MATR3: variants seen among roughly 807,000 people sequenced by gnomAD.
The protein encoded by MATR3 is matrin 3, also known as matrin-3.
A neutral mutation model predicts 85.5 loss-of-function variants in MATR3; 4 were observed. The observed-to-expected ratio is 0.05, with a 90% CI of 0.02 to 0.11. The LOEUF is 0.11. Ranked by LOEUF, MATR3 falls within the 10% of genes least tolerant of loss-of-function variation. MATR3 has a pLI of 1.00. For missense variants in MATR3, 685 were observed against 1,016.1 expected, an observed-to-expected ratio of 0.67 and a Z score of 4.43; for synonymous variants, 336 against 343.1, an observed-to-expected ratio of 0.98 and a Z score of 0.23.
intron 9 of MATR3, 61 bp downstream of exon 9, chr5:139,319,562 T>A: frequency 6.8e-7 from 1 of 1,471,550 alleles, no homozygotes; most frequent in Middle Eastern, 2.4e-4. Flanking sequence ...GATTTTTCAA[T>A]ATGGAGCTGG....
intron 1 of MATR3, among the ~76,000 whole-genome samples, chr5:139,303,010 C>A (rs963300725): frequency 6.9e-6 from 1 of 144,878 alleles, no homozygotes; most frequent in African/African-American, 2.5e-5. Context: ...CATAAATAAT[C>A]TTTCATAGTT....
chr5:139,315,791 T>A, intron 4 of MATR3, 53 bp downstream of exon 4: 1 of 1,388,474 alleles, frequency 7.2e-7, no homozygotes, highest in Non-Finnish European at 1.0e-6. Context: ...TGTAAGGAAT[T>A]CAGGTTTCAC....
intron 14 of MATR3, 137 bp downstream of exon 14, chr5:139,326,421 A>AC: frequency 1.4e-6 from 1 of 704,404 alleles, no homozygotes; most frequent in Non-Finnish European, 2.1e-6. Flanking sequence ...CTTTTTATTT[A>AC]CTTTTTTTTT....
At position 139,308,358 on chromosome 5, in the gene MATR3, C is replaced by A. The variant is rs777708926; in HGVS notation, c.912+31C>A. The A allele has an allele frequency of 9.3e-6, 15 of 1,612,980 alleles. 1 individual carries two copies. The highest frequency in any genetic ancestry group is 2.2e-5 in the East Asian group (1 of 44,882). On this transcript the variant is annotated intron_variant, in intron 2 of 14. Transcript: ENST00000394805. ...TTAACTCAACAGATGCTTCTAATTT[C>A]TTTTACATTGTAGTGCCTATTTACC...
intron 10 of MATR3, among the ~76,000 whole-genome samples, chr5:139,322,233 G>A (rs1427490855): frequency 6.6e-6 from 1 of 152,154 alleles, no homozygotes; most frequent in East Asian, 1.9e-4. Flanking sequence ...CACCTTCATT[G>A]CTCTTATCTG....
chr5:139,290,571 C>T (rs889163405), upstream of MATR3, among the ~76,000 whole-genome samples: 2 of 150,324 alleles, frequency 1.3e-5, no homozygotes, highest in African/African-American at 4.9e-5. Flanking sequence ...ACCCCTGCCC[C>T]GGAGTAGCTG....
intron 1 of MATR3, among the ~76,000 whole-genome samples, chr5:139,296,624 G>A (rs1170918576): frequency 5.3e-5 from 8 of 152,218 alleles, no homozygotes; most frequent in African/African-American, 1.9e-4. Context: ...GTACTGAGAA[G>A]TGACAGAAAG....
intron 2 of MATR3, among the ~76,000 whole-genome samples, chr5:139,277,808 G>A (rs1376405811): frequency 6.9e-6 from 1 of 145,188 alleles, no homozygotes; most frequent in African/African-American, 2.5e-5. Flanking sequence ...TATGTTATAT[G>A]GGGTACAACA....
intron 1 of MATR3, among the ~76,000 whole-genome samples, chr5:139,304,498 C>G (rs1466636774): frequency 1.4e-5 from 2 of 139,444 alleles, no homozygotes; most frequent in Non-Finnish European, 3.1e-5. Flanking sequence ...GAAACTCCAT[C>G]TGAAAAAAAA....
At chr5:139,320,439 CA>C (rs1223405569) in intron 9 of MATR3, among the ~76,000 whole-genome samples, 1 of 151,574 alleles carries the variant, frequency 6.6e-6, no homozygotes, top group Non-Finnish European at 1.5e-5. Flanking sequence ...CACATCTGTA[CA>C]AAAAAAAATT....
At chr5:139,310,768 G>T (rs1297199914) in intron 2 of MATR3, 1 of 151,616 alleles carries the variant, frequency 6.6e-6, no homozygotes, top group Admixed American at 6.6e-5. Flanking sequence ...GTCATTTTAG[G>T]TCATCAAATT....
At position 139,314,721 on chromosome 5, in the gene MATR3, A is replaced by G; in HGVS notation, c.959A>G (p.Gln320Arg). The change falls in exon 3 of 15, where the codon CAG (glutamine) becomes CGG (arginine). Residue 320 changes from glutamine (Q) to arginine (R), a missense_variant. By Grantham distance (43) the Gln-to-Arg change is conservative. Coordinates refer to ENST00000394805, the MANE Select transcript of MATR3 (RefSeq NM_018834.6). ...GGAGCAAGTCACAGTCGTCGATGCC[A>G]GCTTCTTCTTGAAATGTAGGAGTTT... ...INGASHSRRC[Q>R]LLLEIYPEWN... The G allele has an allele frequency of 6.2e-7, 1 of 1,613,846 alleles. No individual in the cohort carries two copies. The highest frequency in any genetic ancestry group is 8.5e-7 in the Non-Finnish European group (1 of 1,179,808).
intron 2 of MATR3, among the ~76,000 whole-genome samples, chr5:139,277,838 T>C (rs1247356292): frequency 2.6e-5 from 4 of 151,804 alleles, no homozygotes; most frequent in Non-Finnish European, 5.9e-5. Context: ...CATACATGTT[T>C]ACATTGTGGA....
At chr5:139,315,937 T>A (rs539408869) in intron 4 of MATR3, 139 bp from the exon 5 acceptor site, 87 of 787,484 alleles carry the variant, frequency 1.1e-4, no homozygotes, top group Non-Finnish European at 1.9e-4. Flanking sequence ...TAATGTAGAC[T>A]TTGACCTAGT....
intron 1 of MATR3, among the ~76,000 whole-genome samples, chr5:139,301,631 G>A (rs565330121): frequency 6.6e-6 from 1 of 152,098 alleles, no homozygotes; most frequent in East Asian, 1.9e-4. Flanking sequence ...CCAGAATGGA[G>A]CCTTGAAAGA....
At position 139,330,263 on chromosome 5, in the gene MATR3, C is replaced by T. The variant is rs1179585500; in HGVS notation, c.*868C>T. 1 of 453,744 alleles carries T rather than the reference C, an allele frequency of 2.2e-6. No homozygotes were observed. The highest frequency in any genetic ancestry group is 4.4e-6 in the Non-Finnish European group (1 of 226,310). 28.1% of individuals were successfully genotyped at this position (453,744 alleles called of 1,614,324 possible). A position where few individuals can be genotyped will look rare whatever the true frequency, so the allele number is the denominator to read the frequency against. ...TAATCCTAGATGCACGCTTCTAATT[C>T]ATGTACCTGCACATGTGACCTTTGT... On this transcript the variant is annotated 3_prime_UTR_variant, in exon 15 of 15. Transcript: ENST00000394805.
chr5:139,306,255 A>G (rs1352261941), intron 1 of MATR3, among the ~76,000 whole-genome samples: 1 of 152,206 alleles, frequency 6.6e-6, no homozygotes, highest in East Asian at 1.9e-4. Flanking sequence ...AAACAATTTC[A>G]TCTAGAAACA....
intron 1 of MATR3, among the ~76,000 whole-genome samples, chr5:139,306,044 G>C (rs1019876332): frequency 6.6e-6 from 1 of 152,110 alleles, no homozygotes; most frequent in African/African-American, 2.4e-5. Context: ...TCAAAAAATA[G>C]AAAATTTAAG....
At chr5:139,295,481 G>C (rs556430474) in intron 1 of MATR3, among the ~76,000 whole-genome samples, 1 of 152,334 alleles carries the variant, frequency 6.6e-6, no homozygotes, top group South Asian at 2.1e-4. Flanking sequence ...ACTTTACCCA[G>C]AGAAGTTTCG....
Sources: gnomAD v4.1 joint callset for allele counts (sites outside exome capture counted in the v4.1 genomes callset) on GRCh38, gnomAD v4.1.1 for gene constraint, MANE v1.5 for transcripts, NCBI Gene and HGNC (gene_info 2026-07-23, HGNC 2026-07-21) for gene names.